Variants in CD109 observed in about 807,000 individuals in gnomAD.
The protein encoded by CD109 is CD109 molecule.
A neutral mutation model predicts 165.8 loss-of-function variants in CD109; 149 were observed. The observed-to-expected ratio is 0.90, with a 90% confidence interval of 0.79 to 1.03. The LOEUF (loss-of-function observed/expected upper bound fraction) is 1.03, where lower values mean the gene tolerates loss of function less well. Ranked by LOEUF, CD109 falls within the 50% of genes least tolerant of loss-of-function variation. The probability of loss-of-function intolerance (pLI) is 0.00; values close to 1 mark genes in which losing one functional copy is unlikely to be tolerated. For missense variants in CD109, 1,712 were observed against 1,677.8 expected, an observed-to-expected ratio of 1.02 and a Z score of -0.36; for synonymous variants, 585 against 592.1, an observed-to-expected ratio of 0.99 and a Z score of 0.18.
chr6:73,688,132 A>C, the CD109 span, among the ~76,000 whole-genome samples: 2 of 152,210 alleles, frequency 1.3e-5, no homozygotes, highest in Non-Finnish European at 2.9e-5. Context: ...TAAGAACTCA[A>C]ATTAATTGTG....
chr6:73,748,928 C>A (rs1440422981), intron 5 of CD109, among the ~76,000 whole-genome samples: 1 of 152,120 alleles, frequency 6.6e-6, no homozygotes, highest in Non-Finnish European at 1.5e-5. Flanking sequence ...ATGATATTTC[C>A]ATTGTGATTT....
chr6:73,788,914 A>G (rs377008789), intron 22 of CD109, among the ~76,000 whole-genome samples: 2 of 152,268 alleles, frequency 1.3e-5, no homozygotes, highest in East Asian at 3.9e-4. Flanking sequence ...GGTGTTGGTG[A>G]TACTCTGGCT....
At chr6:73,715,176 C>T (rs1268671387) in intron 2 of CD109, among the ~76,000 whole-genome samples, 2 of 152,198 alleles carry the variant, frequency 1.3e-5, no homozygotes, top group Non-Finnish European at 2.9e-5. Flanking sequence ...ATGAGAATCT[C>T]TTGAACCCGG....
At chr6:73,802,289 G>GTGTA (rs71542231) in intron 23 of CD109, among the ~76,000 whole-genome samples, 118 of 78,178 alleles carry the variant, frequency 1.5e-3, no homozygotes, top group African/African-American at 4.8e-3. Flanking sequence ...GTGTGTGTGT[G>GTGTA]TATATATATA....
At position 73,771,601 on chromosome 6, in the gene CD109, C is replaced by A; in HGVS notation, c.1827+20C>A. The A allele has an allele frequency of 6.6e-7, 1 of 1,504,276 alleles. No homozygotes were observed. The highest frequency in any genetic ancestry group is 8.9e-7 in the Non-Finnish European group (1 of 1,119,716). 93.2% of individuals were successfully genotyped at this position (1,504,276 alleles called of 1,614,324 possible). On this transcript the variant is annotated intron_variant, in intron 15 of 32. Transcript: ENST00000287097. ...GAAAATGTGAGTTTAGCTATTTTTT[C>A]ATTATGAAAATATGTATTACAAGAG...
intron 30 of CD109, 87 bp downstream of exon 30, chr6:73,815,210 T>C: frequency 9.0e-7 from 1 of 1,113,104 alleles, no homozygotes; most frequent in East Asian, 2.9e-5. Context: ...TATATCAATC[T>C]AAGAGTTATA....
intron 2 of CD109, among the ~76,000 whole-genome samples, chr6:73,700,965 C>T (rs1771053190): frequency 1.3e-5 from 2 of 151,472 alleles, no homozygotes; most frequent in African/African-American, 4.8e-5. Flanking sequence ...CCATGCCTGG[C>T]TAATTTTTTG....
At chr6:73,681,915 T>G in the CD109 span, among the ~76,000 whole-genome samples, 3 of 152,040 alleles carry the variant, frequency 2.0e-5, no homozygotes, top group Admixed American at 2.0e-4. Flanking sequence ...AAATTCCGAT[T>G]TTAAAAACCA....
chr6:73,795,686 G>A (rs1430610125), intron 23 of CD109, among the ~76,000 whole-genome samples: 2 of 152,174 alleles, frequency 1.3e-5, no homozygotes, highest in African/African-American at 2.4e-5. Context: ...GTAAGTAGGC[G>A]AGTTTCCCCT....
chr6:73,727,472 G>A (rs1024163717), intron 3 of CD109, among the ~76,000 whole-genome samples: 1 of 152,172 alleles, frequency 6.6e-6, no homozygotes, highest in Non-Finnish European at 1.5e-5. Flanking sequence ...AGTTAAAAAA[G>A]CAAATTAGTT....
At chr6:73,711,966 C>T (rs1467512371) in intron 2 of CD109, among the ~76,000 whole-genome samples, 1 of 152,108 alleles carries the variant, frequency 6.6e-6, no homozygotes, top group Non-Finnish European at 1.5e-5. Flanking sequence ...TATGTTGTAT[C>T]CATTAAGTCA....
intron 22 of CD109, among the ~76,000 whole-genome samples, chr6:73,791,136 C>CACACACACACATATAT (rs1478783898): frequency 3.5e-5 from 2 of 56,346 alleles, no homozygotes; most frequent in Admixed American, 2.7e-4. Context: ...TACATACATA[C>CACACACACACATATAT]ATATATATAT....
intron 30 of CD109, 115 bp downstream of exon 30, chr6:73,815,238 T>C (rs1442242596): frequency 2.6e-6 from 2 of 760,454 alleles, no homozygotes; most frequent in Non-Finnish European, 3.9e-6. Context: ...AAGAATTCAG[T>C]TATGCACTAC....
chr6:73,754,901 C>T (rs1338933375), intron 5 of CD109, among the ~76,000 whole-genome samples: 1 of 152,200 alleles, frequency 6.6e-6, no homozygotes, highest in Non-Finnish European at 1.5e-5. Context: ...TGTCTGTCTC[C>T]ACCACTAGAC....
At chr6:73,757,590 G>C (rs1412611166) in intron 6 of CD109, among the ~76,000 whole-genome samples, 1 of 152,100 alleles carries the variant, frequency 6.6e-6, no homozygotes, top group Non-Finnish European at 1.5e-5. Context: ...TCCAGTAGCG[G>C]GGCCACTTGC....
chr6:73,690,471 G>A, the CD109 span, among the ~76,000 whole-genome samples: 9 of 151,826 alleles, frequency 5.9e-5, no homozygotes, highest in Admixed American at 2.6e-4. Context: ...GTGTGATCTC[G>A]GCTCACCGCA....
intron 14 of CD109, among the ~76,000 whole-genome samples, chr6:73,770,997 AG>A (rs1300958890): frequency 1.3e-5 from 2 of 152,118 alleles, no homozygotes; most frequent in Non-Finnish European, 2.9e-5. Flanking sequence ...TGGTTCTATG[AG>A]TCCCCGAGGA....
At chr6:73,735,943 G>A (rs577777703) in intron 4 of CD109, among the ~76,000 whole-genome samples, 4 of 152,224 alleles carry the variant, frequency 2.6e-5, no homozygotes, top group South Asian at 2.1e-4. Context: ...CACCACCGCC[G>A]CCACCAGGGG....
At chr6:73,788,208 A>G (rs1417882066) in intron 21 of CD109, among the ~76,000 whole-genome samples, 1 of 152,246 alleles carries the variant, frequency 6.6e-6, no homozygotes, top group East Asian at 1.9e-4. Flanking sequence ...GAGAAAATCT[A>G]AAAGGAAAAA....
Sources: allele counts gnomAD v4.1 joint callset (sites outside exome capture counted in the v4.1 genomes callset), GRCh38; gene constraint gnomAD v4.1.1; transcripts MANE v1.5; gene names NCBI Gene and HGNC (gene_info 2026-07-23, HGNC 2026-07-21).